SIPA1L3: variants seen among roughly 807,000 people sequenced by gnomAD.
SIPA1L3 encodes the protein signal induced proliferation associated 1 like 3, also known as signal-induced proliferation-associated 1-like protein 3.
A neutral mutation model predicts 150.1 loss-of-function variants in SIPA1L3; 59 were observed. The observed-to-expected ratio is 0.39, with a 90% CI of 0.32 to 0.49. The LOEUF (loss-of-function observed/expected upper bound fraction) is 0.49, where lower values mean the gene tolerates loss of function less well. Ranked by LOEUF, SIPA1L3 falls within the 20% of genes least tolerant of loss-of-function variation. The pLI is 0.86. For synonymous variants in SIPA1L3, 1,070 were observed against 1,077.6 expected (o/e 0.99, Z 0.14); for missense variants, 2,211 against 2,489.5 (o/e 0.89, Z 2.38).
At chr19:37,920,263 T>G (rs2046447600) in intron 1 of SIPA1L3, among the ~76,000 whole-genome samples, 2 of 151,976 alleles carry the variant, frequency 1.3e-5, no homozygotes, top group African/African-American at 2.4e-5. Context: ...CTCTCTATGT[T>G]GCCCAGGCCG....
In SIPA1L3 at chr19:37,973,479, C is replaced by T. The variant is rs528502871; in HGVS notation, c.-378-55610C>T. 4.5e-4 allele frequency among the ~76,000 whole-genome samples: 67 copies of T among 149,080 alleles called. No individual in the cohort carries two copies. In the South Asian group the frequency reaches 0.014, roughly 32 times the overall value. On this transcript the variant is annotated intron_variant, in intron 1 of 21. Coordinates refer to ENST00000222345, the MANE Select transcript of SIPA1L3 (RefSeq NM_015073.3). Reference sequence around the variant, plus strand: ...CGAACTCCCGACCTCAGGTGATCCACCCACCTCGGTCTCCCAAAGTGCTGG... The same window carrying T: ...CGAACTCCCGACCTCAGGTGATCCATCCACCTCGGTCTCCCAAAGTGCTGG...
chr19:38,082,108 G>T lies in SIPA1L3; in HGVS notation c.543G>T (p.Ala181=), dbSNP rs753434744. ...AGATCACCCTCAGCGAGTGTGACGC[G>T]GAGGACGCGGGGGAGCCGCGGGGGG... The part of the protein sequence containing the change: ...SSEITLSECD[A]EDAGEPRGAR... The change falls in exon 3 of 22, where the codon GCG becomes GCT. Residue 181 remains alanine (A), a synonymous_variant. Transcript: ENST00000222345. 1 of 1,608,294 alleles carries T rather than the reference G, an allele frequency of 6.2e-7. No homozygotes were observed. Among genetic ancestry groups the T allele is most frequent in the African/African-American group, 1.3e-5 (1 of 74,896 alleles).
intron 12 of SIPA1L3, among the ~76,000 whole-genome samples, chr19:38,152,548 A>G (rs1361315043): frequency 1.3e-5 from 2 of 152,190 alleles, no homozygotes; most frequent in Admixed American, 6.5e-5. Context: ...GCCCAGGGGT[A>G]GGGCTGTCGG....
At chr19:38,058,275 G>A (rs944114109) in intron 2 of SIPA1L3, among the ~76,000 whole-genome samples, 2 of 152,174 alleles carry the variant, frequency 1.3e-5, no homozygotes, top group African/African-American at 2.4e-5. Context: ...CACATCCAGC[G>A]AGGGTCATAA....
Position 38,082,296 on chromosome 19 carries a change from C to A in SIPA1L3, c.731C>A (p.Ala244Glu). ...CAGGCCCTCACCGAGCTCCTCCGGG[C>A]AGATCCTGGCCCACACCTCATGGGG... ...GCQALTELLR[A>E]DPGPHLMGGG... The change falls in exon 3 of 22, where the codon GCA becomes GAA. Residue 244 changes from alanine to glutamate, a missense_variant. Transcript: ENST00000222345. 2 of 1,599,566 alleles carry A rather than the reference C, an allele frequency of 1.3e-6. No homozygotes were observed. Among genetic ancestry groups the A allele is most frequent in the Non-Finnish European group, 1.7e-6 (2 of 1,179,332 alleles).
Position 38,148,173 on chromosome 19 carries a change from A to C in SIPA1L3, c.3534-4667A>C, listed in dbSNP as rs1002402561. On this transcript the variant is annotated intron_variant, in intron 12 of 21. Transcript: ENST00000222345. ...CGAGACCAGCCTGGCCAAGATGGTG[A>C]AACCCCTTCTCTACTAAAAATACAA... 8.6e-5 allele frequency among the ~76,000 whole-genome samples: 13 copies of C among 151,908 alleles called. 1 individual carries two copies. The highest frequency in any genetic ancestry group is 3.1e-4 in the African/African-American group (13 of 41,336).
At chr19:38,067,327 A>C (rs920392602) in intron 2 of SIPA1L3, among the ~76,000 whole-genome samples, 1 of 152,264 alleles carries the variant, frequency 6.6e-6, no homozygotes, top group African/African-American at 2.4e-5. Context: ...CAGGTCATGC[A>C]GGAACCCTGA....
intron 12 of SIPA1L3, among the ~76,000 whole-genome samples, chr19:38,152,445 A>G (rs546197560): frequency 5.9e-5 from 9 of 152,162 alleles, no homozygotes; most frequent in Non-Finnish European, 1.3e-4. Flanking sequence ...TGCTGTCTCC[A>G]TCAGAGCAAG....
chr19:38,158,373 G>A (rs1396399173), intron 13 of SIPA1L3, among the ~76,000 whole-genome samples: 1 of 152,254 alleles, frequency 6.6e-6, no homozygotes, highest in African/African-American at 2.4e-5. Flanking sequence ...TCCAGGGAAA[G>A]TGAACAGCTA....
At chr19:38,181,783 A>G (rs1972558099) in intron 15 of SIPA1L3, among the ~76,000 whole-genome samples, 2 of 147,908 alleles carry the variant, frequency 1.4e-5, no homozygotes, top group East Asian at 2.1e-4. Context: ...GAGACTGAGG[A>G]TGGAGTGAGC....
intron 1 of SIPA1L3, among the ~76,000 whole-genome samples, chr19:37,970,568 C>A (rs2145592173): frequency 6.6e-6 from 1 of 152,308 alleles, no homozygotes; most frequent in Non-Finnish European, 1.5e-5. Flanking sequence ...TCTTTCTTCG[C>A]ACTAAAGCCA....
At chr19:38,152,565 C>T (rs887830708) in intron 12 of SIPA1L3, among the ~76,000 whole-genome samples, 3 of 152,206 alleles carry the variant, frequency 2.0e-5, no homozygotes, top group Non-Finnish European at 4.4e-5. Flanking sequence ...TCGGCCCAAG[C>T]GGCCTCTGCC....
At chr19:37,961,648 A>G (rs529052120) in intron 1 of SIPA1L3, among the ~76,000 whole-genome samples, 38 of 152,144 alleles carry the variant, frequency 2.5e-4, no homozygotes, top group African/African-American at 9.2e-4. Context: ...GGATGTGTAA[A>G]CTAATGTGTT....
chr19:37,963,911 T>C (rs1360119833), intron 1 of SIPA1L3: 2 of 152,326 alleles, frequency 1.3e-5, no homozygotes, highest in East Asian at 3.9e-4. Context: ...ATTTGGAAGC[T>C]TTTTGAGTTG....
intron 1 of SIPA1L3, among the ~76,000 whole-genome samples, chr19:38,007,600 T>G (rs1967984535): frequency 6.6e-6 from 1 of 150,902 alleles, no homozygotes. Context: ...CATTATTTAT[T>G]ATTATTATTA....
chr19:37,965,721 C>T (rs1189059417), intron 1 of SIPA1L3, among the ~76,000 whole-genome samples: 2 of 150,992 alleles, frequency 1.3e-5, no homozygotes, highest in Admixed American at 6.6e-5. Context: ...CCTGCCCCCA[C>T]CCCTAGTCCC....
chr19:38,123,079 G>A (rs965234330), intron 9 of SIPA1L3, among the ~76,000 whole-genome samples: 5 of 152,238 alleles, frequency 3.3e-5, no homozygotes, highest in Non-Finnish European at 7.4e-5. Context: ...TATAGTGGCC[G>A]CAATAGTGAG....
At chr19:38,112,389 G>T (rs563436469) in intron 8 of SIPA1L3, among the ~76,000 whole-genome samples, 6 of 152,212 alleles carry the variant, frequency 3.9e-5, no homozygotes, top group Admixed American at 1.3e-4. Context: ...CTGGTGGGGG[G>T]AGCTGCTTTC....
At position 38,119,584 on chromosome 19, in the gene SIPA1L3, C is replaced by T. The variant is rs772066006; in HGVS notation, c.2570C>T (p.Thr857Ile). The T allele has an allele frequency of 7.4e-6, 12 of 1,614,234 alleles. No homozygotes were observed. Among genetic ancestry groups the T allele is most frequent in the South Asian group, 1.1e-5 (1 of 91,084 alleles). The change falls in exon 9 of 22, where the codon ACA (threonine) becomes ATA (isoleucine). Residue 857 changes from threonine to isoleucine, a missense_variant. Thr to Ile is a moderately conservative substitution (Grantham distance 89). This residue lies in a region of SIPA1L3 where 625 missense variants were observed against 804.2 expected (regional missense o/e 0.78). Transcript: ENST00000222345. ...CTGACCTCCAAGAAGAAGGAAAAGACAAAAGCACGGGCTGGCGCTGAGCAG... is the reference window on the plus strand; with the variant it reads ...CTGACCTCCAAGAAGAAGGAAAAGATAAAAGCACGGGCTGGCGCTGAGCAG... ...ISLTSKKKEK[T>I]KARAGAEQHS...
Sources: gnomAD v4.1 joint callset for allele counts (sites outside exome capture counted in the v4.1 genomes callset) on GRCh38, gnomAD v4.1.1 for gene constraint, gnomAD v4.1.1 regional missense constraint, MANE v1.5 for transcripts, NCBI Gene and HGNC (gene_info 2026-07-23, HGNC 2026-07-21) for gene names.